Variants in PTPRD observed in about 807,000 individuals in gnomAD.
PTPRD encodes protein tyrosine phosphatase receptor type D, also known as receptor-type tyrosine-protein phosphatase delta.
A neutral mutation model predicts 214.5 loss-of-function variants in PTPRD; 34 were observed. That is an observed-to-expected ratio of 0.16 (90% CI 0.12 to 0.21). The LOEUF is 0.21. Among genes scored for constraint, PTPRD ranks in the 10% least tolerant of loss-of-function variants. PTPRD has a pLI of 1.00. For missense variants in PTPRD, 2,545 were observed against 2,398.7 expected (o/e 1.06, Z -1.27); for synonymous variants, 1,128 against 845.7 (o/e 1.33, Z -5.79).
At chr9:9,504,095 A>G (rs1395210653) in intron 8 of PTPRD, among the ~76,000 whole-genome samples, 3 of 151,726 alleles carry the variant, frequency 2.0e-5, no homozygotes, top group Admixed American at 1.3e-4. Context: ...CCCTATTCCA[A>G]AGTAAATATC....
chr9:10,482,243 T>A (rs1953593), intron 2 of PTPRD, among the ~76,000 whole-genome samples: 4 of 151,332 alleles, frequency 2.6e-5, no homozygotes, highest in Admixed American at 6.6e-5. Flanking sequence ...TGGTGGCGGG[T>A]GCCTGTAGTC....
intron 5 of PTPRD, among the ~76,000 whole-genome samples, chr9:9,770,057 T>C (rs1465428384): frequency 6.6e-6 from 1 of 152,208 alleles, no homozygotes; most frequent in African/African-American, 2.4e-5. Flanking sequence ...TGAACAGTGC[T>C]GCAATAAACA....
intron 6 of PTPRD, among the ~76,000 whole-genome samples, chr9:9,749,526 TTTA>T (rs1357269020): frequency 3.3e-5 from 5 of 152,176 alleles, no homozygotes; most frequent in African/African-American, 1.2e-4. Context: ...TTATCAGATA[TTTA>T]TTATTATCAG....
At chr9:9,252,859 A>G (rs2099976064) in intron 9 of PTPRD, among the ~76,000 whole-genome samples, 2 of 152,068 alleles carry the variant, frequency 1.3e-5, no homozygotes, top group South Asian at 4.1e-4. Context: ...ATAACCAGCC[A>G]ATCACACGCA....
intron 3 of PTPRD, among the ~76,000 whole-genome samples, chr9:10,258,420 T>C (rs560058170): frequency 6.6e-6 from 1 of 152,312 alleles, no homozygotes; most frequent in South Asian, 2.1e-4. Flanking sequence ...CATAGGCTTA[T>C]AAGAGGCTAT....
intron 7 of PTPRD, among the ~76,000 whole-genome samples, chr9:9,667,421 T>G (rs1455234373): frequency 6.6e-6 from 1 of 152,144 alleles, no homozygotes; most frequent in Non-Finnish European, 1.5e-5. Context: ...CCAGCAAAAC[T>G]GTCTCTCCAT....
intron 10 of PTPRD, among the ~76,000 whole-genome samples, chr9:9,085,179 C>G (rs1401857492): frequency 6.6e-6 from 1 of 151,978 alleles, no homozygotes; most frequent in Non-Finnish European, 1.5e-5. Context: ...CTCTTTCTGT[C>G]ATTTTAATGG....
At chr9:8,321,363 A>C (rs943012338) in intron 44 of PTPRD, among the ~76,000 whole-genome samples, 2 of 151,154 alleles carry the variant, frequency 1.3e-5, no homozygotes, top group African/African-American at 4.9e-5. Flanking sequence ...CAACTTTTCA[A>C]TTTACTGGTT....
intron 2 of PTPRD, among the ~76,000 whole-genome samples, chr9:10,459,360 T>G (rs758901882): frequency 6.6e-6 from 1 of 152,204 alleles, no homozygotes. Flanking sequence ...GCAATAGACA[T>G]ATATGTGCAT....
chr9:9,365,899 C>A (rs1284472921), intron 9 of PTPRD, among the ~76,000 whole-genome samples: 1 of 151,380 alleles, frequency 6.6e-6, no homozygotes, highest in Non-Finnish European at 1.5e-5. Context: ...TTAATTCATT[C>A]ATTAGAATTG....
At chr9:9,363,346 G>A (rs748339603) in intron 9 of PTPRD, among the ~76,000 whole-genome samples, 1 of 150,808 alleles carries the variant, frequency 6.6e-6, no homozygotes, top group African/African-American at 2.4e-5. Flanking sequence ...TATACAAGCT[G>A]GCATCATATC....
chr9:8,831,394 T>C (rs1001005585), intron 11 of PTPRD, among the ~76,000 whole-genome samples: 3 of 152,134 alleles, frequency 2.0e-5, no homozygotes, highest in Admixed American at 6.5e-5. Context: ...ATTACACCAT[T>C]ATGAAACTGC....
chr9:9,640,691 A>G (rs2095911356), intron 7 of PTPRD, among the ~76,000 whole-genome samples: 4 of 152,256 alleles, frequency 2.6e-5, no homozygotes, highest in Admixed American at 6.5e-5. Context: ...TGGACCAATC[A>G]TCAGAATAGT....
At chr9:10,526,568 C>T (rs1241112883) in intron 2 of PTPRD, among the ~76,000 whole-genome samples, 1 of 151,964 alleles carries the variant, frequency 6.6e-6, no homozygotes, top group Non-Finnish European at 1.5e-5. Flanking sequence ...GTTCTCACAC[C>T]AGAAATCTCT....
intron 2 of PTPRD, among the ~76,000 whole-genome samples, chr9:10,478,518 C>T (rs2099077449): frequency 6.6e-6 from 1 of 151,990 alleles, no homozygotes; most frequent in South Asian, 2.1e-4. Flanking sequence ...TAGCACTGTG[C>T]CCTTTATAAA....
At chr9:8,784,154 T>C (rs895814297) in intron 11 of PTPRD, among the ~76,000 whole-genome samples, 1 of 152,162 alleles carries the variant, frequency 6.6e-6, no homozygotes, top group Non-Finnish European at 1.5e-5. Context: ...TTGTGCTCCA[T>C]AAAATTCTGA....
intron 3 of PTPRD, among the ~76,000 whole-genome samples, chr9:10,270,499 C>T (rs756217701): frequency 1.3e-5 from 2 of 152,106 alleles, no homozygotes; most frequent in Non-Finnish European, 2.9e-5. Context: ...TCAGAGAGGG[C>T]TGTGCCAGAT....
chr9:9,954,300 A>AC lies in PTPRD; in HGVS notation c.-471-15691_-471-15690insG, dbSNP rs1566685208. Reference sequence around the variant, plus strand: ...AGATTGAGACTCTGTCTCAAAACAAAAAAAAAAAAAAAAAAAAAAAAAAAG... The same window carrying AC: ...AGATTGAGACTCTGTCTCAAAACAAACAAAAAAAAAAAAAAAAAAAAAAAAG... On this transcript the variant is annotated intron_variant, in intron 4 of 45. Coordinates refer to ENST00000381196, the MANE Select transcript of PTPRD (RefSeq NM_002839.4). 4.9e-5 allele frequency among the ~76,000 whole-genome samples: 7 copies of AC among 143,028 alleles called. No individual in the cohort carries two copies. The South Asian group carries it at 1.1e-3, about 23-fold the overall frequency. 93.8% of individuals were successfully genotyped at this position (143,028 alleles called of 152,430 possible).
At position 9,106,726 on chromosome 9, in the gene PTPRD, A is replaced by G. The variant is rs187291937; in HGVS notation, c.-143+76578T>C. On this transcript the variant is annotated intron_variant, in intron 10 of 45. Transcript: ENST00000381196. ...TATTGAGCAAACTCTGTAGTTGGTG[A>G]TTTAAATGCTCATTTAAAAAATTTC... 4.0e-4 allele frequency among the ~76,000 whole-genome samples: 60 copies of G among 151,134 alleles called. 3 individuals carry two copies. The East Asian group carries it at 0.012, about 29-fold the overall frequency.
Sources: gnomAD v4.1 joint callset for allele counts (sites outside exome capture counted in the v4.1 genomes callset) on GRCh38, gnomAD v4.1.1 for gene constraint, MANE v1.5 for transcripts, NCBI Gene and HGNC (gene_info 2026-07-23, HGNC 2026-07-21) for gene names.